Variants in CLYBL observed in about 807,000 individuals in gnomAD.
CLYBL encodes the protein citramalyl-CoA lyase.
Under a neutral mutation model 38.9 loss-of-function variants are expected in CLYBL, and 31 were observed. That is an observed-to-expected ratio of 0.80 (90% CI 0.60 to 1.08). CLYBL has a LOEUF of 1.08. Among genes scored for constraint, CLYBL ranks in the 50% least tolerant of loss-of-function variants. The pLI, the probability that CLYBL is intolerant of heterozygous loss-of-function variation, is 0.00. For missense variants in CLYBL, 434 were observed against 411.6 expected (o/e 1.05, Z -0.47); for synonymous variants, 171 against 158.6 (o/e 1.08, Z -0.59).
At chr13:99,868,674 G>A (rs931511924) in intron 6 of CLYBL, among the ~76,000 whole-genome samples, 4 of 152,050 alleles carry the variant, frequency 2.6e-5, no homozygotes, top group African/African-American at 7.2e-5. Flanking sequence ...AGTCCATGTC[G>A]ATTGATTTTA....
At chr13:99,631,331 A>ATGTGTGTGTGTGTGTG (rs10643696) in intron 1 of CLYBL, among the ~76,000 whole-genome samples, 90 of 145,270 alleles carry the variant, frequency 6.2e-4, no homozygotes, top group African/African-American at 2.1e-3. Context: ...CCAAATATTT[A>ATGTGTGTGTGTGTGTG]TGTGTGTGTG....
intron 1 of CLYBL, among the ~76,000 whole-genome samples, chr13:99,693,693 G>T (rs998536749): frequency 3.3e-5 from 5 of 152,124 alleles, no homozygotes; most frequent in African/African-American, 1.2e-4. Flanking sequence ...GTTCAGGAAT[G>T]ACTCATACAT....
chr13:99,789,360 C>T (rs186389348), intron 2 of CLYBL, among the ~76,000 whole-genome samples: 2 of 152,200 alleles, frequency 1.3e-5, no homozygotes, highest in African/African-American at 4.8e-5. Flanking sequence ...CCTCTACACA[C>T]TACTTTAAAT....
chr13:99,672,189 T>C (rs1356020661), intron 1 of CLYBL, among the ~76,000 whole-genome samples: 1 of 134,912 alleles, frequency 7.4e-6, no homozygotes, highest in Non-Finnish European at 1.7e-5. Context: ...TTCGGGAATT[T>C]CTTTTTTTTT....
chr13:99,813,380 G>A (rs2050380569), intron 2 of CLYBL, among the ~76,000 whole-genome samples: 1 of 152,206 alleles, frequency 6.6e-6, no homozygotes, highest in South Asian at 2.1e-4. Context: ...TGCAAGAACA[G>A]TAATACTAGT....
At chr13:99,668,824 G>A (rs2047522239) in intron 1 of CLYBL, among the ~76,000 whole-genome samples, 1 of 151,916 alleles carries the variant, frequency 6.6e-6, no homozygotes, top group Admixed American at 6.6e-5. Context: ...TAGGATGAAG[G>A]GATAAAATCA....
intron 1 of CLYBL, among the ~76,000 whole-genome samples, chr13:99,653,736 A>C (rs1476756633): frequency 6.6e-6 from 1 of 151,744 alleles, no homozygotes; most frequent in Admixed American, 6.6e-5. Context: ...AATTGTCCAG[A>C]TCTCCCAGGA....
chr13:99,705,008 A>G (rs2048124827), intron 1 of CLYBL, among the ~76,000 whole-genome samples: 1 of 152,226 alleles, frequency 6.6e-6, no homozygotes, highest in African/African-American at 2.4e-5. Flanking sequence ...TATGTTTGCA[A>G]CATTATGTTT....
intron 1 of CLYBL, among the ~76,000 whole-genome samples, chr13:99,608,061 C>CTTTT (rs56149363): frequency 4.0e-5 from 3 of 75,044 alleles, no homozygotes; most frequent in African/African-American, 1.0e-4. Flanking sequence ...TCTGGAACTT[C>CTTTT]TTTTTTTTTT....
In CLYBL at chr13:99,729,830, C is replaced by T. The variant is rs923912523; in HGVS notation, c.63-42994C>T. 1.2e-4 allele frequency among the ~76,000 whole-genome samples: 18 copies of T among 152,304 alleles called. No homozygotes were observed. In the East Asian group the frequency reaches 2.1e-3, roughly 18 times the overall value. ...TGGTGCCACTACCCCCTGCCACCGT[C>T]GGCCCTGTGGCAGTGGGGCCCTTCC... On this transcript the variant is annotated intron_variant, in intron 1 of 8. Transcript: ENST00000339105.
At chr13:99,877,464 C>T (rs1169989374) in intron 7 of CLYBL, 2 of 287,032 alleles carry the variant, frequency 7.0e-6, no homozygotes, top group Non-Finnish European at 1.3e-5. Context: ...CTCCACACCC[C>T]AGGCCATCCC....
intron 2 of CLYBL, among the ~76,000 whole-genome samples, chr13:99,835,387 C>G (rs951514899): frequency 3.9e-5 from 6 of 152,344 alleles, no homozygotes; most frequent in African/African-American, 1.4e-4. Context: ...ACATCCTCAT[C>G]TGCATGGCTG....
At chr13:99,785,134 C>A (rs2049758623) in intron 2 of CLYBL, among the ~76,000 whole-genome samples, 1 of 148,662 alleles carries the variant, frequency 6.7e-6, no homozygotes, top group African/African-American at 2.5e-5. Flanking sequence ...CTCAAGTGAT[C>A]CACCCACGTT....
intron 2 of CLYBL, among the ~76,000 whole-genome samples, chr13:99,821,541 G>A (rs777791080): frequency 1.3e-5 from 2 of 152,080 alleles, no homozygotes; most frequent in Non-Finnish European, 2.9e-5. Context: ...ATTTTGATGC[G>A]TGTTGCAAGG....
intron 1 of CLYBL, among the ~76,000 whole-genome samples, chr13:99,674,523 C>T (rs962859311): frequency 2.0e-5 from 3 of 151,814 alleles, no homozygotes; most frequent in Admixed American, 6.6e-5. Context: ...TGGAGATGTA[C>T]GTGTGGGAGC....
At chr13:99,708,798 A>C (rs1476556943) in intron 1 of CLYBL, among the ~76,000 whole-genome samples, 1 of 152,158 alleles carries the variant, frequency 6.6e-6, no homozygotes, top group Non-Finnish European at 1.5e-5. Context: ...GTAATTATTT[A>C]AGAAGAGTGA....
chr13:99,808,499 A>AG (rs5806137), intron 2 of CLYBL, among the ~76,000 whole-genome samples: 64,377 of 152,012 alleles, frequency 0.42, 15,353 homozygotes, highest in African/African-American at 0.63. Flanking sequence ...GACTTAAAAA[A>AG]AAATTATAGA....
At chr13:99,868,412 A>G (rs2051804424) in intron 6 of CLYBL, among the ~76,000 whole-genome samples, 1 of 152,014 alleles carries the variant, frequency 6.6e-6, no homozygotes, top group Non-Finnish European at 1.5e-5. Flanking sequence ...AGAAGGAAAG[A>G]AAAAAAAGGA....
intron 7 of CLYBL, among the ~76,000 whole-genome samples, chr13:99,885,372 G>A (rs1480234102): frequency 6.6e-6 from 1 of 152,178 alleles, no homozygotes; most frequent in African/African-American, 2.4e-5. Flanking sequence ...GCAGCGTGGT[G>A]TGTGTTGGGG....
Sources: gnomAD v4.1 joint callset for allele counts (sites outside exome capture counted in the v4.1 genomes callset) on GRCh38, gnomAD v4.1.1 for gene constraint, MANE v1.5 for transcripts, NCBI Gene and HGNC (gene_info 2026-07-23, HGNC 2026-07-21) for gene names.